ABHD12: variants seen among roughly 807,000 people sequenced by gnomAD.
ABHD12 encodes lysophosphatidylserine lipase ABHD12.
In ABHD12, 43 loss-of-function variants were observed where a neutral mutation model predicts 58.3. The observed-to-expected ratio is 0.74, with a 90% CI of 0.58 to 0.95. The LOEUF (loss-of-function observed/expected upper bound fraction) is 0.95, where lower values mean the gene tolerates loss of function less well. Among genes scored for constraint, ABHD12 ranks in the 40% least tolerant of loss-of-function variants. The pLI is 0.00. For missense variants in ABHD12, 539 were observed against 537.2 expected, an observed-to-expected ratio of 1.00 and a Z score of -0.03; for synonymous variants, 219 against 211.2, an observed-to-expected ratio of 1.04 and a Z score of -0.32.
intron 1 of ABHD12, among the ~76,000 whole-genome samples, chr20:25,362,807 T>C (rs558809151): frequency 2.2e-3 from 333 of 151,858 alleles, no homozygotes; most frequent in Non-Finnish European, 3.9e-3. Flanking sequence ...CCCGAGTAGA[T>C]GGGATTGCAG....
At chr20:25,378,513 T>C (rs1385972487) in intron 1 of ABHD12, among the ~76,000 whole-genome samples, 1 of 152,074 alleles carries the variant, frequency 6.6e-6, no homozygotes, top group African/African-American at 2.4e-5. Context: ...GTACACATTA[T>C]GAGGAGAAAA....
At chr20:25,295,579 C>G, downstream of ABHD12, 1 of 1,609,810 alleles carries the variant, frequency 6.2e-7, no homozygotes, top group Non-Finnish European at 8.5e-7. Context: ...GCTGCCCTGG[C>G]CCAGCCTCCT....
intron 1 of ABHD12, among the ~76,000 whole-genome samples, chr20:25,374,244 G>A (rs1005461216): frequency 2.6e-5 from 4 of 151,972 alleles, no homozygotes; most frequent in Non-Finnish European, 5.9e-5. Context: ...ACAGGTGTGT[G>A]CCACCACACC....
At chr20:25,344,254 C>CGGG (rs1374392280) in intron 1 of ABHD12, among the ~76,000 whole-genome samples, 2 of 151,982 alleles carry the variant, frequency 1.3e-5, no homozygotes, top group Non-Finnish European at 2.9e-5. Flanking sequence ...TATAGAGACC[C>CGGG]GGGAAGGAAA....
At chr20:25,343,415 A>C (rs2089480270) in intron 1 of ABHD12, among the ~76,000 whole-genome samples, 1 of 152,212 alleles carries the variant, frequency 6.6e-6, no homozygotes, top group South Asian at 2.1e-4. Flanking sequence ...AGCTGAGCCT[A>C]GTGGTATGTG....
intron 1 of ABHD12, among the ~76,000 whole-genome samples, chr20:25,369,596 G>A (rs1036330088): frequency 6.6e-6 from 1 of 152,154 alleles, no homozygotes; most frequent in Admixed American, 6.5e-5. Flanking sequence ...GAAGTGACAC[G>A]TCACTTCCAT....
intron 6 of ABHD12, among the ~76,000 whole-genome samples, chr20:25,312,426 C>T (rs2088867247): frequency 1.3e-5 from 2 of 151,790 alleles, no homozygotes; most frequent in South Asian, 4.2e-4. Context: ...AGTGATCTGC[C>T]AGCATCGGCC....
intron 1 of ABHD12, among the ~76,000 whole-genome samples, chr20:25,385,355 A>AAAAAG (rs1209752047): frequency 7.3e-6 from 1 of 136,092 alleles, no homozygotes; most frequent in African/African-American, 2.7e-5. Flanking sequence ...AAAAAAAAAA[A>AAAAAG]GAGGAAAACG....
At chr20:25,305,310 T>G (rs2088714889) in intron 10 of ABHD12, among the ~76,000 whole-genome samples, 1 of 152,258 alleles carries the variant, frequency 6.6e-6, no homozygotes, top group South Asian at 2.1e-4. Flanking sequence ...TACTCCATTT[T>G]TTTTCATATT....
intron 10 of ABHD12, among the ~76,000 whole-genome samples, chr20:25,303,981 G>T (rs938148724): frequency 6.6e-6 from 1 of 152,254 alleles, no homozygotes; most frequent in African/African-American, 2.4e-5. Flanking sequence ...GGTAAAAAAA[G>T]TCAATGTTCT....
intron 1 of ABHD12, among the ~76,000 whole-genome samples, chr20:25,373,028 A>G (rs1485398941): frequency 6.6e-6 from 1 of 152,098 alleles, no homozygotes; most frequent in Admixed American, 6.6e-5. Context: ...TGCCTACAGG[A>G]CTCAGTACAG....
At chr20:25,307,649 C>T (rs930167607) in intron 9 of ABHD12, among the ~76,000 whole-genome samples, 11 of 152,224 alleles carry the variant, frequency 7.2e-5, no homozygotes, top group African/African-American at 2.7e-4. Flanking sequence ...GAGAGGGGGG[C>T]ACCCCCAGCT....
chr20:25,356,115 G>A (rs750869504), intron 1 of ABHD12, among the ~76,000 whole-genome samples: 1 of 152,192 alleles, frequency 6.6e-6, no homozygotes, highest in Admixed American at 6.5e-5. Flanking sequence ...TGGTGGTGAT[G>A]AAGAAGGGCA....
chr20:25,314,860 G>T, intron 6 of ABHD12, 65 bp downstream of exon 6: 1 of 1,572,692 alleles, frequency 6.4e-7, no homozygotes, highest in Non-Finnish European at 8.8e-7. Flanking sequence ...AGTGAGGCCT[G>T]CCCATGGGAT....
intron 1 of ABHD12, among the ~76,000 whole-genome samples, chr20:25,347,794 T>C (rs2089539677): frequency 6.6e-6 from 1 of 151,888 alleles, no homozygotes; most frequent in Non-Finnish European, 1.5e-5. Context: ...TGAAAATCTC[T>C]TGGAAAGGCA....
At chr20:25,298,745 T>A (rs1600754093), downstream of ABHD12, among the ~76,000 whole-genome samples, 1 of 152,196 alleles carries the variant, frequency 6.6e-6, no homozygotes, top group East Asian at 1.9e-4. Flanking sequence ...AGTTGCAGAT[T>A]AAGAAATCAG....
intron 6 of ABHD12, among the ~76,000 whole-genome samples, chr20:25,309,931 A>G (rs2088817462): frequency 6.6e-6 from 1 of 152,280 alleles, no homozygotes; most frequent in South Asian, 2.1e-4. Context: ...ACAGAGCTTC[A>G]GAGCTGGCAC....
chr20:25,360,430 A>G (rs2089731558), intron 1 of ABHD12, among the ~76,000 whole-genome samples: 1 of 151,484 alleles, frequency 6.6e-6, no homozygotes, highest in African/African-American at 2.4e-5. Context: ...TAGTAGAGAC[A>G]GGGTTTCACC....
chr20:25,379,503 C>G (rs2089998035), intron 1 of ABHD12, among the ~76,000 whole-genome samples: 1 of 152,152 alleles, frequency 6.6e-6, no homozygotes, highest in Non-Finnish European at 1.5e-5. Context: ...TCCTTCCTAT[C>G]TGAGGGGAAC....
Sources: allele counts gnomAD v4.1 joint callset (sites outside exome capture counted in the v4.1 genomes callset), GRCh38; gene constraint gnomAD v4.1.1; transcripts MANE v1.5; gene names NCBI Gene and HGNC (gene_info 2026-07-23, HGNC 2026-07-21).